The following OR4N2 variants were observed in gnomAD, a reference collection of about 807,000 sequenced individuals.
The protein encoded by OR4N2 is olfactory receptor family 4 subfamily N member 2, also known as olfactory receptor 4N2.
For missense variants in OR4N2, 307 were observed against 377.6 expected (o/e 0.81, Z 1.55); for synonymous variants, 141 against 140.4 (o/e 1.00, Z -0.03).
chr14:19,824,230 G>T (rs898545067), intron 1 of OR4N2, among the ~76,000 whole-genome samples: 3 of 152,176 alleles, frequency 2.0e-5, no homozygotes, highest in African/African-American at 7.2e-5. Flanking sequence ...TTTGCTTAGA[G>T]GAATGCTCAT....
At chr14:19,812,329 C>CTTTTCTTTTTTT (rs1555328226) in intron 1 of OR4N2, among the ~76,000 whole-genome samples, 1 of 117,438 alleles carries the variant, frequency 8.5e-6, no homozygotes, top group Non-Finnish European at 1.7e-5. Flanking sequence ...CTTTTCTTTT[C>CTTTTCTTTTTTT]TTTTTTTTTT....
chr14:19,822,611 C>A (rs1879595138), intron 1 of OR4N2, among the ~76,000 whole-genome samples: 1 of 152,216 alleles, frequency 6.6e-6, no homozygotes, highest in Admixed American at 6.5e-5. Context: ...TCTCTATTAA[C>A]TTTTCAGATT....
chr14:19,818,228 G>A (rs1879476578), intron 1 of OR4N2, among the ~76,000 whole-genome samples: 1 of 152,204 alleles, frequency 6.6e-6, no homozygotes, highest in East Asian at 1.9e-4. Flanking sequence ...ATGAGTTCAA[G>A]TCCTGAATAT....
chr14:19,814,172 T>C (rs1389970443), intron 1 of OR4N2, among the ~76,000 whole-genome samples: 1 of 152,168 alleles, frequency 6.6e-6, no homozygotes, highest in Non-Finnish European at 1.5e-5. Context: ...AAAATAAATT[T>C]GTATTTATTT....
intron 1 of OR4N2, among the ~76,000 whole-genome samples, chr14:19,814,674 C>T (rs1310791466): frequency 6.6e-6 from 1 of 152,152 alleles, no homozygotes; most frequent in South Asian, 2.1e-4. Context: ...TTGGTGAAGT[C>T]TTTTTTAAAA....
At chr14:19,813,387 TAAG>T (rs1879349099) in intron 1 of OR4N2, among the ~76,000 whole-genome samples, 1 of 152,244 alleles carries the variant, frequency 6.6e-6, no homozygotes, top group African/African-American at 2.4e-5. Flanking sequence ...TTGTGGGTAG[TAAG>T]AAGAATTTAC....
At position 19,827,524 on chromosome 14, in the gene OR4N2, C is replaced by A. The variant is rs769923894; in HGVS notation, c.76C>A (p.Leu26Met). 3 of 1,613,824 alleles carry A rather than the reference C, an allele frequency of 1.9e-6. No homozygotes were observed. Among genetic ancestry groups the A allele is most frequent in the Non-Finnish European group, 2.5e-6 (3 of 1,179,916 alleles). ...GLTQSQDIQL[L>M]VFVLVLIFYF... The stretch of plus-strand genomic sequence containing the variant: ...GACCCAGTCTCAAGATATTCAGCTC[C>A]TGGTCTTTGTGCTAGTTTTAATATT... Residue 26 changes from leucine to methionine, a missense_variant, in exon 2 of 2, where the codon CTG becomes ATG. Physicochemically the swap from Leu to Met is conservative, Grantham distance 15. Transcript: ENST00000557677.
chr14:19,805,056 C>T (rs1879129682), intron 1 of OR4N2, among the ~76,000 whole-genome samples: 1 of 152,098 alleles, frequency 6.6e-6, no homozygotes. Flanking sequence ...TCTATTTTTT[C>T]TCCATCCCTT....
intron 1 of OR4N2, among the ~76,000 whole-genome samples, chr14:19,820,109 T>C (rs1349312355): frequency 1.3e-5 from 2 of 152,232 alleles, no homozygotes; most frequent in Non-Finnish European, 2.9e-5. Context: ...ATCTCCTGTA[T>C]GAGGTGTCTG....
intron 1 of OR4N2, among the ~76,000 whole-genome samples, chr14:19,826,418 G>A (rs78450344): frequency 6.6e-6 from 1 of 152,216 alleles, no homozygotes. Context: ...TTAAACTGAA[G>A]AGTATACACT....
At chr14:19,810,908 T>C (rs1220383286) in intron 1 of OR4N2, among the ~76,000 whole-genome samples, 4 of 152,204 alleles carry the variant, frequency 2.6e-5, no homozygotes, top group African/African-American at 2.4e-5. Context: ...AGAATGACAA[T>C]ATGACAAAAC....
intron 1 of OR4N2, among the ~76,000 whole-genome samples, chr14:19,810,925 G>A (rs12589285): frequency 0.044 from 6,723 of 151,538 alleles, 273 homozygotes; most frequent in East Asian, 0.36. Context: ...AAACACATTC[G>A]CCAAAACTGG....
rs1166113077 is a variant in OR4N2, at chr14:19,830,100, A to G, written c.*1728A>G. The G allele has an allele frequency of 6.5e-6, 1 of 152,698 alleles. No homozygotes were observed. The highest frequency in any genetic ancestry group is 1.5e-5 in the Non-Finnish European group (1 of 68,440). The allele number at this position is 152,698 out of a possible 1,614,324, so 9.5% of individuals were successfully genotyped here. A position where few individuals can be genotyped will look rare whatever the true frequency, so the allele number is the denominator to read the frequency against. ...GATTCCATCCCCCTCCTCTCTACTA[A>G]AGGCAATTACTCTGGTAACTCTCCT... is the stretch of plus-strand genomic sequence containing the variant. On this transcript the variant is annotated 3_prime_UTR_variant, in exon 2 of 2. Transcript: ENST00000557677.
At chr14:19,821,452 ATATATATG>A (rs1463849953) in intron 1 of OR4N2, among the ~76,000 whole-genome samples, 1 of 151,636 alleles carries the variant, frequency 6.6e-6, no homozygotes, top group Non-Finnish European at 1.5e-5. Flanking sequence ...AGTCATATAT[ATATATATG>A]TATATATGTA....
chr14:19,806,664 C>T (rs928764459), intron 1 of OR4N2, among the ~76,000 whole-genome samples: 1 of 151,288 alleles, frequency 6.6e-6, no homozygotes, highest in Admixed American at 6.6e-5. Flanking sequence ...TAAGGCAGAA[C>T]ACTAACAAAG....
At chr14:19,807,230 A>G (rs1353664988) in intron 1 of OR4N2, among the ~76,000 whole-genome samples, 1 of 152,002 alleles carries the variant, frequency 6.6e-6, no homozygotes. Context: ...ATAACTACAA[A>G]CAGAGAGAAA....
intron 1 of OR4N2, among the ~76,000 whole-genome samples, chr14:19,826,402 A>G (rs552586078): frequency 6.6e-5 from 10 of 152,398 alleles, no homozygotes; most frequent in African/African-American, 2.4e-4. Context: ...AAAATTCTTT[A>G]TCTATTTAAA....
rs769772027 is a variant in OR4N2 at position 19,827,842 on chromosome 14, T to C, written c.394T>C (p.Tyr132His). Residue 132 changes from tyrosine to histidine, a missense_variant, in exon 2 of 2, where the codon TAT becomes CAT. Coordinates refer to ENST00000557677, the MANE Select transcript of OR4N2 (RefSeq NM_001004723.3). ...RYIAICRPLH[Y>H]PTVMNPRTCY... ...CATCGCCATCTGCCGGCCTCTGCAC[T>C]ATCCTACTGTCATGAACCCTAGAAC... 6.2e-7 allele frequency: 1 copy of C among 1,614,138 alleles called. No homozygotes were observed. The highest frequency in any genetic ancestry group is 1.3e-5 in the African/African-American group (1 of 74,948).
rs144034751 is a variant in OR4N2, at chr14:19,817,992, C to T, written c.-9-9448C>T. On this transcript the variant is annotated intron_variant, in intron 1 of 1. Transcript: ENST00000557677. The stretch of plus-strand genomic sequence containing the variant: ...GGTTGTTCAGTTTCCATGTGTTGTG[C>T]GATTTTGAGTGAGTTTCTTAATCCT... Among the ~76,000 whole-genome samples, 1,028 of 152,154 alleles carry T rather than the reference C, an allele frequency of 6.8e-3. 3 individuals are homozygous for T. Among genetic ancestry groups the T allele is most frequent in the African/African-American group, 0.024 (987 of 41,432 alleles).
Sources: gnomAD v4.1 joint callset for allele counts (sites outside exome capture counted in the v4.1 genomes callset) on GRCh38, gnomAD v4.1.1 for gene constraint, MANE v1.5 for transcripts, NCBI Gene and HGNC (gene_info 2026-07-23, HGNC 2026-07-21) for gene names.